Variants in DYNC1I1 observed in about 807,000 individuals in gnomAD.
DYNC1I1 encodes cytoplasmic dynein 1 intermediate chain 1.
In DYNC1I1, 43 loss-of-function variants were observed where a neutral mutation model predicts 86.6. The ratio of observed to expected loss-of-function variants is 0.50; its 90% CI spans 0.39 to 0.64. The LOEUF is 0.64. DYNC1I1 is among the 30% of genes least tolerant of loss of function. The pLI, the probability that DYNC1I1 is intolerant of heterozygous loss-of-function variation, is 0.00. For missense variants in DYNC1I1, 604 were observed against 788.8 expected (o/e 0.77, Z 2.81); for synonymous variants, 262 against 283.7 (o/e 0.92, Z 0.77).
chr7:96,022,384 C>A (rs1294787524), intron 10 of DYNC1I1, among the ~76,000 whole-genome samples: 1 of 152,138 alleles, frequency 6.6e-6, no homozygotes, highest in African/African-American at 2.4e-5. Flanking sequence ...TTAGAATCAG[C>A]TGCTTTTTAT....
intron 6 of DYNC1I1, among the ~76,000 whole-genome samples, chr7:95,949,477 A>G (rs1271296157): frequency 2.0e-5 from 3 of 152,244 alleles, no homozygotes; most frequent in Admixed American, 2.0e-4. Flanking sequence ...TTTGTCTCTC[A>G]GTGACCATTA....
At chr7:95,915,593 T>C (rs1791448221) in intron 6 of DYNC1I1, among the ~76,000 whole-genome samples, 1 of 152,222 alleles carries the variant, frequency 6.6e-6, no homozygotes, top group Non-Finnish European at 1.5e-5. Flanking sequence ...TAAATCTATA[T>C]GTGTGAGAAA....
chr7:95,986,252 G>A (rs146539893), intron 8 of DYNC1I1, among the ~76,000 whole-genome samples: 323 of 152,310 alleles, frequency 2.1e-3, no homozygotes, highest in African/African-American at 7.5e-3. Flanking sequence ...GGAAAGGTGG[G>A]TGTAGAAGAA....
At chr7:95,996,136 C>A (rs1161891574) in intron 10 of DYNC1I1, 63 bp downstream of exon 10, 1 of 1,605,860 alleles carries the variant, frequency 6.2e-7, no homozygotes, top group Non-Finnish European at 8.5e-7. Flanking sequence ...GTTTGTGCTG[C>A]ATTGCATCTG....
intron 7 of DYNC1I1, among the ~76,000 whole-genome samples, chr7:95,980,229 T>C (rs1396635154): frequency 6.6e-6 from 1 of 152,118 alleles, no homozygotes; most frequent in African/African-American, 2.4e-5. Flanking sequence ...ACTGTATGCC[T>C]TATTCTCCAT....
chr7:95,874,336 C>A (rs1562929859), intron 6 of DYNC1I1, among the ~76,000 whole-genome samples: 1 of 152,088 alleles, frequency 6.6e-6, no homozygotes, highest in South Asian at 2.1e-4. Context: ...GTTTCTGTAC[C>A]AGACTGAGTT....
At chr7:96,099,351 C>T (rs988162470), downstream of DYNC1I1, among the ~76,000 whole-genome samples, 33 of 152,160 alleles carry the variant, frequency 2.2e-4, no homozygotes, top group Admixed American at 3.3e-4. Context: ...TCCAGGCTGA[C>T]GTTATGTGAC....
chr7:96,067,226 T>C (rs1010684092), intron 14 of DYNC1I1, among the ~76,000 whole-genome samples: 1 of 152,160 alleles, frequency 6.6e-6, no homozygotes, highest in Non-Finnish European at 1.5e-5. Context: ...TTACTGCCAG[T>C]AACACTTACC....
At chr7:96,100,682 G>GTGTGT (rs1554447113), downstream of DYNC1I1, among the ~76,000 whole-genome samples, 2 of 150,670 alleles carry the variant, frequency 1.3e-5, no homozygotes, top group Non-Finnish European at 1.5e-5. Flanking sequence ...GTGTGTGTGT[G>GTGTGT]GTAAGGAAGA....
chr7:95,922,607 C>T (rs1873036), intron 6 of DYNC1I1, among the ~76,000 whole-genome samples: 23,123 of 151,948 alleles, frequency 0.15, 2,246 homozygotes, highest in Admixed American at 0.31. Context: ...TGTAAGACAA[C>T]GAGCTGGGAC....
chr7:95,852,194 G>A (rs1789597176), intron 5 of DYNC1I1, among the ~76,000 whole-genome samples: 2 of 151,822 alleles, frequency 1.3e-5, no homozygotes, highest in Non-Finnish European at 2.9e-5. Flanking sequence ...ACTCATTATT[G>A]GCCTCTTCTG....
At chr7:95,926,256 T>C (rs975497055) in intron 6 of DYNC1I1, among the ~76,000 whole-genome samples, 1 of 152,186 alleles carries the variant, frequency 6.6e-6, no homozygotes, top group African/African-American at 2.4e-5. Flanking sequence ...TTCTTTATAA[T>C]ATCACAAAGT....
At chr7:95,781,218 A>G (rs1312386061) in intron 1 of DYNC1I1, among the ~76,000 whole-genome samples, 1 of 152,226 alleles carries the variant, frequency 6.6e-6, no homozygotes, top group Non-Finnish European at 1.5e-5. Context: ...GTAAAAGGCC[A>G]GATTTGGGGT....
chr7:95,801,304 A>C (rs192924909), intron 1 of DYNC1I1, among the ~76,000 whole-genome samples: 1 of 152,340 alleles, frequency 6.6e-6, no homozygotes, highest in East Asian at 1.9e-4. Context: ...TGGGAATTCC[A>C]ACTTAAATGA....
intron 5 of DYNC1I1, among the ~76,000 whole-genome samples, chr7:95,844,238 A>G (rs4729215): frequency 0.2 from 30,337 of 152,144 alleles, 3,517 homozygotes; most frequent in East Asian, 0.45. Context: ...CCTCGTGATT[A>G]TATTTCCTTT....
intron 10 of DYNC1I1, among the ~76,000 whole-genome samples, chr7:96,011,608 A>G (rs1028274083): frequency 1.3e-5 from 2 of 152,222 alleles, no homozygotes; most frequent in African/African-American, 4.8e-5. Context: ...AAGTCCATCA[A>G]TAAGTAAATC....
At chr7:95,948,477 G>GT (rs1484038346) in intron 6 of DYNC1I1, among the ~76,000 whole-genome samples, 2 of 152,280 alleles carry the variant, frequency 1.3e-5, no homozygotes, top group East Asian at 3.9e-4. Context: ...AACACATCCA[G>GT]TAGTGGGCAC....
intron 6 of DYNC1I1, among the ~76,000 whole-genome samples, chr7:95,953,157 CCCTTCACACACA>C (rs1158375422): frequency 4.5e-4 from 68 of 149,972 alleles, no homozygotes; most frequent in South Asian, 6.5e-4. Flanking sequence ...AGACAAGTGT[CCCTTCACACACA>C]CCTTCACACT....
chr7:95,786,158 G>T (rs796660389), intron 1 of DYNC1I1, among the ~76,000 whole-genome samples: 14 of 152,082 alleles, frequency 9.2e-5, no homozygotes, highest in African/African-American at 3.4e-4. Flanking sequence ...CCCTGGGTCA[G>T]TTATGTCCTG....
Sources: allele counts gnomAD v4.1 joint callset (sites outside exome capture counted in the v4.1 genomes callset), GRCh38; gene constraint gnomAD v4.1.1; transcripts MANE v1.5; gene names NCBI Gene and HGNC (gene_info 2026-07-23, HGNC 2026-07-21).